The following CD84 variants were observed in gnomAD, a reference collection of about 807,000 sequenced individuals.
CD84 encodes the protein CD84 molecule.
CD84 carries 22 observed loss-of-function variants against 33.8 expected under a neutral mutation model. That is an observed-to-expected ratio of 0.65 (90% CI 0.46 to 0.93). CD84 has a LOEUF of 0.93. Among genes scored for constraint, CD84 ranks in the 40% least tolerant of loss-of-function variants. The pLI is 0.00. For missense variants in CD84, 400 were observed against 397.6 expected (o/e 1.01, Z -0.05); for synonymous variants, 154 against 145.2 (o/e 1.06, Z -0.44).
Position 160,549,937 on chromosome 1 carries a change from C to T in CD84, c.901G>A (p.Glu301Lys), listed in dbSNP as rs779139394. Residue 301 changes from glutamate to lysine, a missense_variant, in exon 6 of 7, where the codon GAA becomes AAA. Physicochemically the swap from Glu to Lys is moderately conservative, Grantham distance 56. Coordinates refer to ENST00000368054, the MANE Select transcript of CD84 (RefSeq NM_003874.4). ...GTTACCTTATCAGCAAACTGCACTT[C>T]GGAATAAACTGTGTTCACTGGCTCT... ...KEEPVNTVYS[E>K]VQFADKMGKA... The T allele has an allele frequency of 2.2e-5, 35 of 1,612,948 alleles. No individual in the cohort carries two copies. The highest frequency in any genetic ancestry group is 3.3e-5 in the Admixed American group (2 of 59,998).
chr1:160,562,840 T>A (rs569648614), intron 2 of CD84, among the ~76,000 whole-genome samples: 1 of 150,480 alleles, frequency 6.6e-6, no homozygotes, highest in African/African-American at 2.5e-5. Context: ...AGGTCTAATA[T>A]CCAGAGTCCA....
At chr1:160,565,059 G>T (rs1005353388) in intron 2 of CD84, among the ~76,000 whole-genome samples, 1 of 152,138 alleles carries the variant, frequency 6.6e-6, no homozygotes, top group African/African-American at 2.4e-5. Context: ...CATCTATCAT[G>T]ATCTCAAAAT....
intron 1 of CD84, chr1:160,571,548 G>C (rs1657694610): frequency 1.3e-5 from 2 of 152,286 alleles, no homozygotes; most frequent in South Asian, 4.1e-4. Context: ...GACTGACAGA[G>C]TAGGTGGTAA....
At chr1:160,566,232 T>C (rs766376371) in intron 1 of CD84, among the ~76,000 whole-genome samples, 1 of 152,222 alleles carries the variant, frequency 6.6e-6, no homozygotes, top group Non-Finnish European at 1.5e-5. Context: ...TCTTGGAAGA[T>C]AGAAGCAGAG....
chr1:160,565,446 C>T lies in CD84; in HGVS notation c.346G>A (p.Asp116Asn). 2 of 1,613,440 alleles carry T rather than the reference C, an allele frequency of 1.2e-6. No homozygotes were observed. The highest frequency in any genetic ancestry group is 1.7e-4 in the Middle Eastern group (1 of 6,054). Residue 116 changes from aspartate (D) to asparagine (N), a missense_variant, in exon 2 of 7, where the codon GAT becomes AAT. Asp to Asn is a conservative substitution (Grantham distance 23). Coordinates refer to ENST00000368054, the MANE Select transcript of CD84 (RefSeq NM_003874.4). ...TAGCGCTTGGTGGTGGTGTAGGGAT[C>T]AGCCTGTGTATTTATGTCTGCTTTG... ...DYKADINTQA[D>N]PYTTTKRYNL... is the part of the protein sequence containing the mutation.
rs1657278900 is a variant in CD84 at position 160,565,679 on chromosome 1, G to A, written c.113C>T (p.Thr38Ile). The A allele has an allele frequency of 1.2e-6, 2 of 1,613,618 alleles. No individual in the cohort carries two copies. Among genetic ancestry groups the A allele is most frequent in the Admixed American group, 3.3e-5 (2 of 59,934 alleles). ...TGGTTCTTGGATATTTACAGGGAAA[G>A]TGACTGACTCTCCCAGAATCCCATT... ...TVNGILGESV[T>I]FPVNIQEPRQ... Residue 38 changes from threonine to isoleucine, a missense_variant, in exon 2 of 7, where the codon ACT (threonine) becomes ATT (isoleucine). By Grantham distance (89) the Thr-to-Ile change is moderately conservative. Coordinates refer to ENST00000368054, the MANE Select transcript of CD84 (RefSeq NM_003874.4).
chr1:160,553,248 TG>T (rs1656356744), intron 4 of CD84, 129 bp downstream of exon 4: 1 of 1,413,826 alleles, frequency 7.1e-7, no homozygotes, highest in Non-Finnish European at 9.9e-7. Flanking sequence ...TGGGAGGTGG[TG>T]GGGTGGAGAT....
At position 160,545,018 on chromosome 1, in the gene CD84, A is replaced by G. The variant is rs1210318015; in HGVS notation, c.*3238T>C. 6.6e-6 allele frequency: 1 copy of G among 152,246 alleles called. No individual in the cohort carries two copies. The highest frequency in any genetic ancestry group is 2.4e-5 in the African/African-American group (1 of 41,458). The allele number at this position is 152,246 out of a possible 1,614,324, so 9.4% of individuals were successfully genotyped here. A position where few individuals can be genotyped will look rare whatever the true frequency, so the allele number is the denominator to read the frequency against. On this transcript the variant is annotated 3_prime_UTR_variant, in exon 7 of 7. Transcript: ENST00000368054. The stretch of plus-strand genomic sequence containing the variant: ...CATCTGGAAAGTTGTGGAGGGGAAA[A>G]TAAGATCACATGCATTTTACAGAAG...
In CD84 at chr1:160,547,333, G is replaced by C. The variant is rs1029314287; in HGVS notation, c.*923C>G. ...CCCAGAAGTGTGAGAAATATAAGCT[G>C]GTCAGTTCCTTTTGGAGAGTGGGAA... On this transcript the variant is annotated 3_prime_UTR_variant, in exon 7 of 7. Coordinates refer to ENST00000368054, the MANE Select transcript of CD84 (RefSeq NM_003874.4). 21 of 396,398 alleles carry C rather than the reference G, an allele frequency of 5.3e-5. No homozygotes were observed. Among genetic ancestry groups the C allele is most frequent in the Non-Finnish European group, 1.3e-5 (3 of 225,286 alleles). 24.6% of individuals were successfully genotyped at this position (396,398 alleles called of 1,614,324 possible). A position where few individuals can be genotyped will look rare whatever the true frequency, so the allele number is the denominator to read the frequency against.
At chr1:160,569,934 C>T (rs1054894463) in intron 1 of CD84, among the ~76,000 whole-genome samples, 2 of 152,048 alleles carry the variant, frequency 1.3e-5, no homozygotes, top group African/African-American at 2.4e-5. Flanking sequence ...CAGAGGGGAA[C>T]TATTAAGGTT....
At chr1:160,552,843 G>A (rs905448587) in intron 4 of CD84, 1 of 794,898 alleles carries the variant, frequency 1.3e-6, no homozygotes, top group African/African-American at 1.7e-5. Context: ...CATGGGATGT[G>A]GGTGAATCGG....
At chr1:160,575,468 A>C (rs1225155388) in intron 1 of CD84, among the ~76,000 whole-genome samples, 1 of 150,970 alleles carries the variant, frequency 6.6e-6, no homozygotes, top group Non-Finnish European at 1.5e-5. Context: ...ATTGGGATTT[A>C]GGTTTACTTG....
chr1:160,568,538 T>C (rs1037057407), intron 1 of CD84, among the ~76,000 whole-genome samples: 2 of 152,134 alleles, frequency 1.3e-5, no homozygotes, highest in African/African-American at 4.8e-5. Flanking sequence ...AGTGGAAAGA[T>C]AGGGAGGCAG....
At position 160,548,600 on chromosome 1, in the gene CD84, T is replaced by C. The variant is rs975434368; in HGVS notation, c.922-279A>G. ...GCGGGGGCATATTTGGAATGGATTT[T>C]GATTATAGACTTGAGGCAACATTCA... is the stretch of plus-strand genomic sequence containing the variant. On this transcript the variant is annotated intron_variant, in intron 6 of 6. Transcript: ENST00000368054. 3.3e-5 allele frequency among the ~76,000 whole-genome samples: 5 copies of C among 152,130 alleles called. No individual in the cohort carries two copies. In the East Asian group the frequency reaches 9.6e-4, roughly 29 times the overall value.
rs1193553931 is a variant in CD84 at position 160,552,766 on chromosome 1, G to C, written c.760+612C>G. 5.3e-6 allele frequency: 8 copies of C among 1,522,470 alleles called. No homozygotes were observed. In the South Asian group the frequency reaches 9.6e-5, roughly 18 times the overall value. 94.3% of individuals were successfully genotyped at this position (1,522,470 alleles called of 1,614,324 possible). ...AGGAATCAGACCCAAAGGAGAGTCA[G>C]GAACATGGAAGCAGAAGTTCCATGT... On this transcript the variant is annotated intron_variant, in intron 4 of 6. Transcript: ENST00000368054.
intron 2 of CD84, among the ~76,000 whole-genome samples, chr1:160,555,451 A>G (rs1313325439): frequency 6.6e-6 from 1 of 152,150 alleles, no homozygotes; most frequent in East Asian, 1.9e-4. Flanking sequence ...TTTTTTAAAA[A>G]CTATCCATGG....
At chr1:160,569,380 TA>T (rs1657537999) in intron 1 of CD84, among the ~76,000 whole-genome samples, 2 of 152,194 alleles carry the variant, frequency 1.3e-5, no homozygotes, top group African/African-American at 4.8e-5. Context: ...GTGACCTTAG[TA>T]AAATCTAATT....
intron 6 of CD84, 25 bp downstream of exon 6, chr1:160,549,892 G>C (rs373217464): frequency 6.4e-7 from 1 of 1,570,986 alleles, no homozygotes. Context: ...AGGAAAGCAA[G>C]GATAAAAAGC....
intron 5 of CD84, chr1:160,550,482 T>C: frequency 3.5e-6 from 1 of 286,858 alleles, no homozygotes; most frequent in Non-Finnish European, 5.2e-6. Context: ...TGACTCTGAG[T>C]CTGAGGAAAG....
Sources: allele counts gnomAD v4.1 joint callset (sites outside exome capture counted in the v4.1 genomes callset), GRCh38; gene constraint gnomAD v4.1.1; transcripts MANE v1.5; gene names NCBI Gene and HGNC (gene_info 2026-07-23, HGNC 2026-07-21).